Variants in EDA observed in about 807,000 individuals in gnomAD.
EDA encodes the protein ectodysplasin-A.
EDA carries 2 observed loss-of-function variants against 23.6 expected under a neutral mutation model. The observed-to-expected ratio is 0.08, with a 90% CI of 0.03 to 0.27. The LOEUF (loss-of-function observed/expected upper bound fraction) is 0.27. Ranked by LOEUF, EDA falls within the 10% of genes least tolerant of loss-of-function variation. EDA has a pLI of 1.00. For synonymous variants in EDA, 131 were observed against 132.0 expected, an observed-to-expected ratio of 0.99 and a Z score of 0.05; for missense variants, 229 against 324.2, an observed-to-expected ratio of 0.71 and a Z score of 2.26.
chrX:69,644,914 G>A (rs1312317669), intron 1 of EDA, among the ~76,000 whole-genome samples: 2 of 111,885 alleles, frequency 1.8e-5, no homozygotes, highest in East Asian at 5.6e-4. Flanking sequence ...GATGAGTCAC[G>A]TTTATTGATT....
chrX:69,672,840 C>T (rs1409821038), intron 1 of EDA, among the ~76,000 whole-genome samples: 4 of 106,700 alleles, frequency 3.7e-5, no homozygotes, highest in Non-Finnish European at 7.7e-5. Flanking sequence ...CGAGATTGCG[C>T]CACTGCACTC....
At chrX:69,934,538 G>A (rs1195107245) in intron 1 of EDA, among the ~76,000 whole-genome samples, 1 of 111,634 alleles carries the variant, frequency 9.0e-6, no homozygotes, top group Non-Finnish European at 1.9e-5. Context: ...TATCAGAAAT[G>A]TATTGGGATC....
At chrX:69,815,046 A>ACG (rs2016045287) in intron 1 of EDA, among the ~76,000 whole-genome samples, 1 of 111,884 alleles carries the variant, frequency 8.9e-6, no homozygotes, top group Admixed American at 9.4e-5. Flanking sequence ...GAGCCAAGCA[A>ACG]CGTCATTCTT....
intron 1 of EDA, among the ~76,000 whole-genome samples, chrX:69,880,552 A>G (rs1229167998): frequency 1.8e-5 from 2 of 112,172 alleles, no homozygotes; most frequent in Non-Finnish European, 3.8e-5. Flanking sequence ...AGGAAAGTGA[A>G]TCTGCCTTAC....
intron 1 of EDA, among the ~76,000 whole-genome samples, chrX:69,811,195 C>T (rs778655358): frequency 8.9e-6 from 1 of 111,967 alleles, no homozygotes; most frequent in African/African-American, 3.2e-5. Context: ...AAAATGGGGA[C>T]CAAGGCCTCA....
chrX:69,806,428 G>T (rs767333881), intron 1 of EDA, among the ~76,000 whole-genome samples: 13 of 110,798 alleles, frequency 1.2e-4, no homozygotes, highest in Non-Finnish European at 2.5e-4. Flanking sequence ...AGACTCTTTT[G>T]TATTTAGTTG....
chrX:69,933,525 C>CA (rs2018629601), intron 1 of EDA, among the ~76,000 whole-genome samples: 1 of 110,784 alleles, frequency 9.0e-6, no homozygotes, highest in Non-Finnish European at 1.9e-5. Flanking sequence ...ACTAAAAATA[C>CA]AAAAAATTAG....
At chrX:69,905,923 C>T (rs2018170640) in intron 1 of EDA, among the ~76,000 whole-genome samples, 1 of 111,159 alleles carries the variant, frequency 9.0e-6, no homozygotes, top group African/African-American at 3.3e-5. Flanking sequence ...AGTAGGCATC[C>T]AATAAATATT....
intron 1 of EDA, among the ~76,000 whole-genome samples, chrX:69,630,052 G>A (rs1038916113): frequency 9.0e-6 from 1 of 111,146 alleles, no homozygotes; most frequent in African/African-American, 3.3e-5. Flanking sequence ...AAGCCCTTAA[G>A]GTCAGGACTC....
At chrX:69,730,535 T>G (rs2012983097) in intron 1 of EDA, among the ~76,000 whole-genome samples, 2 of 112,183 alleles carry the variant, frequency 1.8e-5, no homozygotes, top group African/African-American at 6.5e-5. Context: ...ATAATGTTCT[T>G]GCATATTAAA....
chrX:70,003,797 A>G (rs1359313559), intron 2 of EDA, among the ~76,000 whole-genome samples: 2 of 112,306 alleles, frequency 1.8e-5, no homozygotes, highest in African/African-American at 6.5e-5. Flanking sequence ...GAAATCTTCA[A>G]TGAAGAAATC....
intron 1 of EDA, among the ~76,000 whole-genome samples, chrX:69,788,185 A>G (rs1351656099): frequency 2.7e-5 from 3 of 111,352 alleles, no homozygotes; most frequent in African/African-American, 9.8e-5. Context: ...TTCTAGTTAT[A>G]CATTCTTCTA....
chrX:70,036,822 G>T lies in EDA; in HGVS notation c.*1213G>T, dbSNP rs192907000. On this transcript the variant is annotated 3_prime_UTR_variant, in exon 8 of 8. Transcript: ENST00000374552. ...GCAACCCAAGTGGACGTTAGGCCAG[G>T]CCTTATCTGAAAGGCCAGCAGCTGA... 1 of 112,794 alleles carries T rather than the reference G, an allele frequency of 8.9e-6. No homozygotes were observed. The highest frequency in any genetic ancestry group is 1.9e-5 in the Non-Finnish European group (1 of 53,343). 9.3% of individuals were successfully genotyped at this position (112,794 alleles called of 1,213,427 possible).
intron 2 of EDA, among the ~76,000 whole-genome samples, chrX:70,013,099 C>T (rs2019898466): frequency 8.9e-6 from 1 of 112,590 alleles, no homozygotes; most frequent in African/African-American, 3.2e-5. Context: ...GCCTCTCCAC[C>T]TGGGCCCCCA....
intron 2 of EDA, among the ~76,000 whole-genome samples, chrX:69,993,887 C>T (rs905378125): frequency 1.8e-5 from 2 of 111,505 alleles, no homozygotes; most frequent in Non-Finnish European, 3.8e-5. Flanking sequence ...TCCTGCTAAG[C>T]TCTAGGTAGC....
At chrX:69,954,115 G>A (rs935090508) in intron 1 of EDA, among the ~76,000 whole-genome samples, 1 of 111,546 alleles carries the variant, frequency 9.0e-6, no homozygotes, top group African/African-American at 3.3e-5. Context: ...CCCTGCTGCA[G>A]GATCTAAGTC....
At chrX:69,845,784 T>C (rs975470317) in intron 1 of EDA, among the ~76,000 whole-genome samples, 2 of 111,819 alleles carry the variant, frequency 1.8e-5, no homozygotes, top group African/African-American at 3.3e-5. Flanking sequence ...CCAGCTGTCA[T>C]ATCCTAAGGG....
intron 1 of EDA, among the ~76,000 whole-genome samples, chrX:69,774,802 G>A (rs1365609273): frequency 1.8e-5 from 2 of 111,236 alleles, no homozygotes; most frequent in Admixed American, 1.9e-4. Flanking sequence ...TAATTATCTT[G>A]GTTGTTCTCT....
At chrX:69,623,275 T>C (rs1932253633) in intron 1 of EDA, among the ~76,000 whole-genome samples, 1 of 112,314 alleles carries the variant, frequency 8.9e-6, no homozygotes, top group Non-Finnish European at 1.9e-5. Flanking sequence ...CACCATTTTA[T>C]GGTATTCAGT....
Sources: gnomAD v4.1 joint callset for allele counts (sites outside exome capture counted in the v4.1 genomes callset) on GRCh38, gnomAD v4.1.1 for gene constraint, MANE v1.5 for transcripts, NCBI Gene and HGNC (gene_info 2026-07-23, HGNC 2026-07-21) for gene names.